The following ELFN1 variants were observed in gnomAD, a reference collection of about 807,000 sequenced individuals.
ELFN1 encodes the protein protein ELFN1.
A neutral mutation model predicts 7.6 loss-of-function variants in ELFN1; 6 were observed. The observed-to-expected ratio is 0.79, with a 90% CI of 0.43 to 1.56. ELFN1 has a LOEUF of 1.56. ELFN1 is among the 40% of genes most tolerant of loss of function. ELFN1 has a pLI of 0.01. For missense variants in ELFN1, 1,169 were observed against 1,232.2 expected (o/e 0.95, Z 0.77); for synonymous variants, 657 against 588.1 (o/e 1.12, Z -1.70).
intron 3 of ELFN1, among the ~76,000 whole-genome samples, chr7:1,722,468 C>T (rs948808700): frequency 6.6e-6 from 1 of 151,852 alleles, no homozygotes; most frequent in Non-Finnish European, 1.5e-5. Context: ...AGGATTTCAC[C>T]ATATGGGTCA....
intron 2 of ELFN1, among the ~76,000 whole-genome samples, chr7:1,700,353 C>T (rs1779401720): frequency 1.3e-5 from 2 of 152,228 alleles, no homozygotes; most frequent in African/African-American, 4.8e-5. Flanking sequence ...CTTTCTTTCC[C>T]AGTCCCAGAG....
intron 3 of ELFN1, among the ~76,000 whole-genome samples, chr7:1,743,613 C>T (rs1451218225): frequency 6.6e-6 from 1 of 152,198 alleles, no homozygotes. Context: ...AGACCGAGAC[C>T]TGGCAGACAC....
intron 3 of ELFN1, among the ~76,000 whole-genome samples, chr7:1,730,408 C>T (rs776312725): frequency 2.0e-5 from 3 of 152,198 alleles, no homozygotes; most frequent in East Asian, 1.9e-4. Flanking sequence ...TGATCTCACC[C>T]GTGAATATTG....
In ELFN1 at chr7:1,739,019, G is replaced by A. The variant is rs1443077944; in HGVS notation, c.-293-5285G>A. The A allele has an allele frequency of 1.3e-5, 2 of 152,250 alleles. No homozygotes were observed. The highest frequency in any genetic ancestry group is 4.8e-5 in the African/African-American group (2 of 41,414). The allele number at this position is 152,250 out of a possible 1,614,324, so 9.4% of individuals were successfully genotyped here. A position where few individuals can be genotyped will look rare whatever the true frequency, so the allele number is the denominator to read the frequency against. ...CCAGGCGGAGGGGCGGCTGGTGCAG[G>A]TTCTTCAGCCAGGAAGGGGGCATGC... On this transcript the variant is annotated intron_variant, in intron 3 of 3. Transcript: ENST00000424383. This position sits in a 1 kb window ranked among gnomAD's most constrained non-coding sequence, Gnocchi z 4.6.
chr7:1,674,633 A>AC (rs923626838), intron 1 of ELFN1, among the ~76,000 whole-genome samples: 2 of 151,488 alleles, frequency 1.3e-5, no homozygotes, highest in Non-Finnish European at 1.5e-5. Context: ...GTGGACGGTG[A>AC]CCCCCCCGCC....
intron 3 of ELFN1, among the ~76,000 whole-genome samples, chr7:1,731,448 G>A (rs1357050022): frequency 6.6e-6 from 1 of 152,172 alleles, no homozygotes; most frequent in African/African-American, 2.4e-5. Flanking sequence ...AAGAAGAGAG[G>A]GGAGGTGTTA....
chr7:1,695,919 C>G lies in ELFN1; in HGVS notation c.-456+7769C>G, dbSNP rs139388709. Among the ~76,000 whole-genome samples the G allele has an allele frequency of 1.3e-5, 2 of 152,066 alleles. No individual in the cohort carries two copies. The highest frequency in any genetic ancestry group is 4.8e-5 in the African/African-American group (2 of 41,368). ...CATTTATTAAATACCTACTGTATGC[C>G]GAGCCCCAGGCTGGTTTAGATGTGG... On this transcript the variant is annotated intron_variant, in intron 2 of 3. Transcript: ENST00000424383. The surrounding 1 kb of genome is among the most constrained non-coding windows in gnomAD (Gnocchi z 5.1).
At chr7:1,675,871 A>T (rs1410947093) in intron 1 of ELFN1, among the ~76,000 whole-genome samples, 1 of 152,160 alleles carries the variant, frequency 6.6e-6, no homozygotes, top group African/African-American at 2.4e-5. Context: ...GGCTGCATGA[A>T]GGGTTGGCCA....
In ELFN1 at chr7:1,744,499, C is replaced by A. The variant is rs1341100219; in HGVS notation, c.-98C>A. ...GACACCCCTGAGAGTGCAGGCACCT[C>A]CCCCTCCCGCCCCTCCATCCCTCTG... On this transcript the variant is annotated 5_prime_UTR_variant, in exon 4 of 4. Transcript: ENST00000424383. The A allele has an allele frequency of 9.0e-6, 12 of 1,331,026 alleles. No individual in the cohort carries two copies. The highest frequency in any genetic ancestry group is 1.1e-5 in the Non-Finnish European group (11 of 1,012,010). 82.5% of individuals were successfully genotyped at this position (1,331,026 alleles called of 1,614,324 possible).
At position 1,746,820 on chromosome 7, in the gene ELFN1, C is replaced by T. The variant is rs1486705729; in HGVS notation, c.2224C>T (p.Arg742Trp). The T allele has an allele frequency of 2.6e-6, 4 of 1,534,370 alleles. No homozygotes were observed. The highest frequency in any genetic ancestry group is 2.6e-6 in the Non-Finnish European group (3 of 1,141,262). Residue 742 changes from arginine to tryptophan, a missense_variant, in exon 4 of 4, where the codon CGG becomes TGG. Coordinates refer to ENST00000424383, the MANE Select transcript of ELFN1 (RefSeq NM_001128636.4). Reference protein sequence around the residue: ...RKASILEPLTRPRPRDLAYSQ... With the variant: ...RKASILEPLTWPRPRDLAYSQ... Reference sequence around the variant, plus strand: ...GGCGTCCATCCTGGAGCCACTCACCCGGCCGCGGCCCCGCGACCTCGCCTA... The same window carrying T: ...GGCGTCCATCCTGGAGCCACTCACCTGGCCGCGGCCCCGCGACCTCGCCTA...
At chr7:1,708,527 C>G (rs1779584438) in intron 2 of ELFN1, among the ~76,000 whole-genome samples, 1 of 152,192 alleles carries the variant, frequency 6.6e-6, no homozygotes, top group African/African-American at 2.4e-5. Context: ...TACTCTGCTC[C>G]CAGGCAGTTG....
chr7:1,728,674 T>A (rs997672223), intron 3 of ELFN1, among the ~76,000 whole-genome samples: 1 of 152,180 alleles, frequency 6.6e-6, no homozygotes, highest in African/African-American at 2.4e-5. Context: ...TTTTCTCACG[T>A]TCCCCCCTCC....
chr7:1,710,844 G>A (rs752056349), intron 3 of ELFN1, among the ~76,000 whole-genome samples: 10 of 152,330 alleles, frequency 6.6e-5, no homozygotes, highest in Non-Finnish European at 1.3e-4. Flanking sequence ...TATTAGGGCT[G>A]GAAGGCACCT....
chr7:1,718,145 G>A (rs1278798303), intron 3 of ELFN1, among the ~76,000 whole-genome samples: 2 of 152,210 alleles, frequency 1.3e-5, no homozygotes, highest in African/African-American at 4.8e-5. Context: ...CAAGGGGCAT[G>A]CATGCCCATT....
At chr7:1,699,859 G>A (rs1026741609) in intron 2 of ELFN1, among the ~76,000 whole-genome samples, 3 of 151,940 alleles carry the variant, frequency 2.0e-5, no homozygotes, top group South Asian at 4.2e-4. Flanking sequence ...GTGTGCCACC[G>A]TGCCCTGCTA....
intron 3 of ELFN1, among the ~76,000 whole-genome samples, chr7:1,736,555 T>C (rs977351277): frequency 6.6e-6 from 1 of 152,222 alleles, no homozygotes; most frequent in Non-Finnish European, 1.5e-5. Flanking sequence ...AGGAACTTGG[T>C]GCCCACCTCA....
chr7:1,713,060 G>C (rs1235013561), intron 3 of ELFN1, among the ~76,000 whole-genome samples: 1 of 152,180 alleles, frequency 6.6e-6, no homozygotes, highest in Non-Finnish European at 1.5e-5. Context: ...TCCTCCCACA[G>C]ATATCTGTCC....
intron 3 of ELFN1, among the ~76,000 whole-genome samples, chr7:1,718,567 T>C (rs145235448): frequency 6.6e-6 from 1 of 152,312 alleles, no homozygotes; most frequent in Admixed American, 6.5e-5. Context: ...ACCGACCATG[T>C]AACTTAGTGT....
chr7:1,714,331 G>C (rs1255654422), intron 3 of ELFN1, among the ~76,000 whole-genome samples: 1 of 152,074 alleles, frequency 6.6e-6, no homozygotes, highest in African/African-American at 2.4e-5. Context: ...GGGACAGACT[G>C]TCCTTCAAAG....
Sources: allele counts gnomAD v4.1 joint callset (sites outside exome capture counted in the v4.1 genomes callset), GRCh38; gene constraint gnomAD v4.1.1; non-coding constraint Gnocchi (gnomAD v3.1); transcripts MANE v1.5; gene names NCBI Gene and HGNC (gene_info 2026-07-23, HGNC 2026-07-21).